CNST: variants seen among roughly 807,000 people sequenced by gnomAD.
CNST encodes consortin, connexin sorting protein.
Under a neutral mutation model 72.4 loss-of-function variants are expected in CNST, and 39 were observed. The ratio of observed to expected loss-of-function variants is 0.54; its 90% confidence interval spans 0.42 to 0.70. The LOEUF is 0.70. CNST is among the 30% of genes least tolerant of loss of function. CNST has a pLI of 0.00. For synonymous variants in CNST, 332 were observed against 320.1 expected, an observed-to-expected ratio of 1.04 and a Z score of -0.40; for missense variants, 871 against 868.5, an observed-to-expected ratio of 1.00 and a Z score of -0.04.
At chr1:246,596,043 CT>C (rs966478400) in intron 2 of CNST, among the ~76,000 whole-genome samples, 18 of 149,572 alleles carry the variant, frequency 1.2e-4, no homozygotes, top group South Asian at 4.2e-4. Context: ...ATATAATGAG[CT>C]TTTTTTTTTC....
chr1:246,601,375 CAACT>C (rs1254448524), intron 2 of CNST, among the ~76,000 whole-genome samples: 2 of 152,062 alleles, frequency 1.3e-5, no homozygotes, highest in South Asian at 2.1e-4. Context: ...GATGAGCCAC[CAACT>C]GTTAGTGATT....
chr1:246,589,010 T>A (rs1332171349), intron 1 of CNST, among the ~76,000 whole-genome samples: 1 of 152,140 alleles, frequency 6.6e-6, no homozygotes, highest in Non-Finnish European at 1.5e-5. Flanking sequence ...TCAATAGCCC[T>A]GTGTGGTTAG....
chr1:246,612,622 C>T (rs780450489), intron 2 of CNST, among the ~76,000 whole-genome samples: 8 of 152,050 alleles, frequency 5.3e-5, no homozygotes, highest in East Asian at 1.9e-4. Context: ...CGCAGTGGTT[C>T]GATCCAATAA....
chr1:246,617,234 A>G (rs929993378), intron 2 of CNST, among the ~76,000 whole-genome samples: 2 of 152,242 alleles, frequency 1.3e-5, no homozygotes, highest in African/African-American at 4.8e-5. Flanking sequence ...GTATGATAAA[A>G]TGTGAAAAAA....
chr1:246,568,769 G>GT (rs1431271011), intron 1 of CNST, among the ~76,000 whole-genome samples: 1 of 152,212 alleles, frequency 6.6e-6, no homozygotes, highest in Non-Finnish European at 1.5e-5. Flanking sequence ...TAGAGACGGA[G>GT]TTTCGCCATG....
intron 10 of CNST, among the ~76,000 whole-genome samples, chr1:246,662,933 T>A (rs922742696): frequency 6.6e-6 from 1 of 152,202 alleles, no homozygotes; most frequent in Non-Finnish European, 1.5e-5. Flanking sequence ...ACAAACAGCA[T>A]AGATGCTTTT....
intron 3 of CNST, among the ~76,000 whole-genome samples, chr1:246,626,501 A>T (rs965371633): frequency 9.4e-5 from 11 of 116,532 alleles, no homozygotes; most frequent in Non-Finnish European, 1.5e-4. Context: ...TGTGTCGCCC[A>T]GGCTGGAGTG....
At chr1:246,603,503 G>GT (rs1299719290) in intron 2 of CNST, among the ~76,000 whole-genome samples, 2 of 151,968 alleles carry the variant, frequency 1.3e-5, no homozygotes, top group African/African-American at 2.4e-5. Flanking sequence ...TTGTTGTCTT[G>GT]TTTTTTTAAA....
At chr1:246,618,660 G>T (rs1663850911) in intron 2 of CNST, among the ~76,000 whole-genome samples, 1 of 152,120 alleles carries the variant, frequency 6.6e-6, no homozygotes, top group Admixed American at 6.6e-5. Flanking sequence ...AACTTCTGCT[G>T]TTAGGTTTCA....
chr1:246,571,413 G>A (rs1011806883), intron 1 of CNST, among the ~76,000 whole-genome samples: 3 of 152,204 alleles, frequency 2.0e-5, no homozygotes, highest in African/African-American at 7.2e-5. Flanking sequence ...GCCTCCCAAA[G>A]TGCTGGGATT....
intron 9 of CNST, among the ~76,000 whole-genome samples, chr1:246,658,045 C>G (rs1215500428): frequency 6.6e-6 from 1 of 152,064 alleles, no homozygotes; most frequent in African/African-American, 2.4e-5. Flanking sequence ...AAGTGTATGA[C>G]AGTATTTTAT....
intron 1 of CNST, among the ~76,000 whole-genome samples, chr1:246,570,500 T>C (rs140088506): frequency 4.7e-4 from 72 of 152,304 alleles, no homozygotes; most frequent in African/African-American, 1.7e-3. Flanking sequence ...TCAACCTTTA[T>C]AGTATGAAGA....
At chr1:246,594,555 C>T (rs902427932) in intron 2 of CNST, among the ~76,000 whole-genome samples, 1 of 151,916 alleles carries the variant, frequency 6.6e-6, no homozygotes, top group African/African-American at 2.4e-5. Flanking sequence ...AGATCACTTG[C>T]GCTCAGGAGT....
At chr1:246,601,876 C>CTG (rs912294320) in intron 2 of CNST, among the ~76,000 whole-genome samples, 1 of 151,992 alleles carries the variant, frequency 6.6e-6, no homozygotes, top group Non-Finnish European at 1.5e-5. Flanking sequence ...CACACATTCA[C>CTG]TGTGTGTGTG....
In CNST at chr1:246,647,578, A is replaced by ACTC. The variant is rs1321137293; in HGVS notation, c.1379_1381dup (p.Leu460dup). The ACTC allele has an allele frequency of 5.6e-6, 9 of 1,613,950 alleles. No homozygotes were observed. Among genetic ancestry groups the ACTC allele is most frequent in the African/African-American group, 1.3e-5 (1 of 74,878 alleles). ...AATATTCACAGGCTCAGAGGAAAGA[A>ACTC]CTCCGTTTGCCACTTCGGGATGCTT... On this transcript the variant is annotated inframe_insertion, in exon 9 of 11. Coordinates refer to ENST00000366513, the MANE Select transcript of CNST (RefSeq NM_152609.3).
chr1:246,582,152 T>A (rs1353475542), intron 1 of CNST, among the ~76,000 whole-genome samples: 1 of 152,184 alleles, frequency 6.6e-6, no homozygotes, highest in East Asian at 1.9e-4. Context: ...TACTGGCCCT[T>A]CACACAAATC....
chr1:246,625,064 CAAG>C (rs1356557949), intron 3 of CNST, among the ~76,000 whole-genome samples: 3 of 152,158 alleles, frequency 2.0e-5, no homozygotes, highest in Non-Finnish European at 4.4e-5. Context: ...ATAAATCTCC[CAAG>C]AAGAAGGATA....
intron 2 of CNST, among the ~76,000 whole-genome samples, chr1:246,595,998 C>G (rs775542122): frequency 6.6e-5 from 10 of 151,944 alleles, no homozygotes; most frequent in Non-Finnish European, 1.5e-4. Flanking sequence ...TGGGTAAAAC[C>G]TTGATCTTAG....
At chr1:246,664,585 CCCAG>C (rs1667292893) in intron 10 of CNST, among the ~76,000 whole-genome samples, 2 of 152,106 alleles carry the variant, frequency 1.3e-5, no homozygotes, top group Admixed American at 6.5e-5. Context: ...TGCCACCACG[CCCAG>C]CTGATTTTTT....
Sources: gnomAD v4.1 joint callset for allele counts (sites outside exome capture counted in the v4.1 genomes callset) on GRCh38, gnomAD v4.1.1 for gene constraint, MANE v1.5 for transcripts, NCBI Gene and HGNC (gene_info 2026-07-23, HGNC 2026-07-21) for gene names.